SLC39A8: variants seen among roughly 807,000 people sequenced by gnomAD.
SLC39A8 encodes solute carrier family 39 member 8.
In SLC39A8, 15 loss-of-function variants were observed where a neutral mutation model predicts 40.4. That is an observed-to-expected ratio of 0.37 (90% CI 0.25 to 0.57). The LOEUF (loss-of-function observed/expected upper bound fraction) is 0.57. Ranked by LOEUF, SLC39A8 falls within the 20% of genes least tolerant of loss-of-function variation. The pLI, the probability that SLC39A8 is intolerant of heterozygous loss-of-function variation, is 0.75. For missense variants in SLC39A8, 472 were observed against 558.8 expected, an observed-to-expected ratio of 0.84 and a Z score of 1.57; for synonymous variants, 223 against 221.6, an observed-to-expected ratio of 1.01 and a Z score of -0.06.
chr4:102,294,857 T>C (rs551799407), intron 6 of SLC39A8, among the ~76,000 whole-genome samples: 39 of 152,130 alleles, frequency 2.6e-4, no homozygotes, highest in African/African-American at 8.4e-4. Flanking sequence ...AACTGCACTA[T>C]AATCAGAAAG....
At chr4:102,263,559 G>C (rs1202333181) in intron 8 of SLC39A8, among the ~76,000 whole-genome samples, 1 of 152,186 alleles carries the variant, frequency 6.6e-6, no homozygotes, top group African/African-American at 2.4e-5. Flanking sequence ...TGACTGATTA[G>C]AGTAGTGGTT....
At chr4:102,307,086 G>A (rs755737417) in intron 4 of SLC39A8, among the ~76,000 whole-genome samples, 2 of 150,794 alleles carry the variant, frequency 1.3e-5, no homozygotes, top group African/African-American at 4.9e-5. Context: ...GACATTGCAT[G>A]CTCTTTAGAA....
intron 6 of SLC39A8, 148 bp from the exon 7 acceptor site, chr4:102,268,227 C>T: frequency 1.4e-6 from 1 of 736,880 alleles, no homozygotes; most frequent in Non-Finnish European, 2.2e-6. Context: ...TAATATATAA[C>T]AGAGCAAAGA....
At chr4:102,320,409 A>T (rs1448382493) in intron 2 of SLC39A8, among the ~76,000 whole-genome samples, 3 of 107,640 alleles carry the variant, frequency 2.8e-5, no homozygotes, top group African/African-American at 1.1e-4. Flanking sequence ...TATATATGAG[A>T]ATATATATAT....
intron 2 of SLC39A8, among the ~76,000 whole-genome samples, chr4:102,341,079 A>G (rs112707374): frequency 6.6e-6 from 1 of 152,208 alleles, no homozygotes; most frequent in African/African-American, 2.4e-5. Flanking sequence ...CAGCTGAGAC[A>G]GTTCATGGAG....
At chr4:102,331,775 G>C (rs1374147745) in intron 2 of SLC39A8, among the ~76,000 whole-genome samples, 2 of 152,158 alleles carry the variant, frequency 1.3e-5, no homozygotes, top group Non-Finnish European at 2.9e-5. Flanking sequence ...ATAGTACAAG[G>C]CTACAGTAAC....
chr4:102,325,249 T>C (rs1735145736), intron 2 of SLC39A8, among the ~76,000 whole-genome samples: 1 of 152,150 alleles, frequency 6.6e-6, no homozygotes, highest in Non-Finnish European at 1.5e-5. Context: ...AAAAATAATC[T>C]CTAGGTTTAA....
chr4:102,326,240 C>T (rs1182068326), intron 2 of SLC39A8, among the ~76,000 whole-genome samples: 1 of 152,218 alleles, frequency 6.6e-6, no homozygotes, highest in Non-Finnish European at 1.5e-5. Context: ...GCTTCTTCAA[C>T]TCAGGGCTGG....
chr4:102,254,273 T>C (rs1359410653), intron 11 of SLC39A8, among the ~76,000 whole-genome samples: 1 of 152,208 alleles, frequency 6.6e-6, no homozygotes, highest in Non-Finnish European at 1.5e-5. Flanking sequence ...CCACATGCCA[T>C]GATACCCTTG....
intron 2 of SLC39A8, among the ~76,000 whole-genome samples, chr4:102,317,111 T>C (rs55929428): frequency 0.28 from 42,550 of 152,064 alleles, 6,221 homozygotes; most frequent in Middle Eastern, 0.45. Flanking sequence ...AGCTGACTAA[T>C]ACACTATGAA....
intron 6 of SLC39A8, among the ~76,000 whole-genome samples, chr4:102,280,067 C>T (rs149001197): frequency 2.6e-5 from 4 of 152,270 alleles, no homozygotes; most frequent in East Asian, 3.9e-4. Context: ...GAGTGGGGAT[C>T]GGGATATTTA....
At chr4:102,273,663 C>T (rs1371742427) in intron 6 of SLC39A8, among the ~76,000 whole-genome samples, 1 of 152,206 alleles carries the variant, frequency 6.6e-6, no homozygotes, top group Non-Finnish European at 1.5e-5. Flanking sequence ...AGACACCTCC[C>T]AGCAGGGCTC....
intron 6 of SLC39A8, among the ~76,000 whole-genome samples, chr4:102,302,870 T>C (rs1019536138): frequency 3.9e-5 from 6 of 152,034 alleles, no homozygotes; most frequent in African/African-American, 1.4e-4. Flanking sequence ...TACTTGAACA[T>C]TTCCAGATTC....
Position 102,262,179 on chromosome 4 carries a change from GTAAATTGCATA to G in SLC39A8, c.*854_*864del. 1 of 985,844 alleles carries G rather than the reference GTAAATTGCATA, an allele frequency of 1.0e-6. No homozygotes were observed. The highest frequency in any genetic ancestry group is 1.2e-6 in the Non-Finnish European group (1 of 829,850). The allele number at this position is 985,844 out of a possible 1,614,324, so 61.1% of individuals were successfully genotyped here. Reference sequence around the variant, plus strand: ...TAAATAGTTATGTTTGTCTTTAAAAGTAAATTGCATAAAATTACATCCAATTTCTTTCTCTA... The same window carrying G: ...TAAATAGTTATGTTTGTCTTTAAAAGAAATTACATCCAATTTCTTTCTCTA... On this transcript the variant is annotated 3_prime_UTR_variant, in exon 9 of 9. Transcript: ENST00000356736.
chr4:102,272,294 C>G (rs1158986151), intron 6 of SLC39A8, among the ~76,000 whole-genome samples: 1 of 151,920 alleles, frequency 6.6e-6, no homozygotes, highest in Non-Finnish European at 1.5e-5. Context: ...AAAAAATTAG[C>G]TGGGAGTGGT....
intron 11 of SLC39A8, among the ~76,000 whole-genome samples, chr4:102,256,330 T>C (rs1731708680): frequency 6.6e-6 from 1 of 152,236 alleles, no homozygotes; most frequent in African/African-American, 2.4e-5. Context: ...CGAGAAGGAT[T>C]CCCATAAGGC....
chr4:102,322,611 G>C (rs570579112), intron 2 of SLC39A8, among the ~76,000 whole-genome samples: 1 of 152,118 alleles, frequency 6.6e-6, no homozygotes, highest in East Asian at 1.9e-4. Context: ...ATACAATACA[G>C]TAAGACCATC....
intron 6 of SLC39A8, among the ~76,000 whole-genome samples, chr4:102,289,855 T>C (rs1347203977): frequency 1.3e-5 from 2 of 152,168 alleles, no homozygotes; most frequent in African/African-American, 4.8e-5. Flanking sequence ...CAGAATCTAC[T>C]GCTGGTATAG....
At chr4:102,343,214 T>C (rs1305122602) in intron 2 of SLC39A8, among the ~76,000 whole-genome samples, 1 of 152,198 alleles carries the variant, frequency 6.6e-6, no homozygotes, top group African/African-American at 2.4e-5. Flanking sequence ...TGACATGCCA[T>C]GGCATCAGAA....
Sources: gnomAD v4.1 joint callset for allele counts (sites outside exome capture counted in the v4.1 genomes callset) on GRCh38, gnomAD v4.1.1 for gene constraint, MANE v1.5 for transcripts, NCBI Gene and HGNC (gene_info 2026-07-23, HGNC 2026-07-21) for gene names.